Variants in EIF3A observed in about 807,000 individuals in gnomAD.
EIF3A encodes EIF3, p180 subunit.
EIF3A carries 21 observed loss-of-function variants against 186.6 expected under a neutral mutation model. The ratio of observed to expected loss-of-function variants is 0.11; its 90% CI spans 0.08 to 0.16. The LOEUF (loss-of-function observed/expected upper bound fraction) is 0.16, where lower values mean the gene tolerates loss of function less well. Among genes scored for constraint, EIF3A ranks in the 10% least tolerant of loss-of-function variants. The probability of loss-of-function intolerance (pLI) is 1.00; values close to 1 mark genes in which losing one functional copy is unlikely to be tolerated. For missense variants in EIF3A, 1,306 were observed against 1,796.3 expected, an observed-to-expected ratio of 0.73 and a Z score of 4.93; for synonymous variants, 563 against 584.3, an observed-to-expected ratio of 0.96 and a Z score of 0.52.
At chr10:119,058,348 C>T in intron 11 of EIF3A, 45 bp from the exon 12 acceptor site, 1 of 1,357,012 alleles carries the variant, frequency 7.4e-7, no homozygotes, top group Non-Finnish European at 1.0e-6. Flanking sequence ...AATTAACATT[C>T]TCTGGTATTA....
At chr10:119,067,629 T>C (rs564506912) in intron 6 of EIF3A, among the ~76,000 whole-genome samples, 1 of 152,102 alleles carries the variant, frequency 6.6e-6, no homozygotes, top group East Asian at 1.9e-4. Context: ...AGCAAAGACA[T>C]AGAGAACAAA....
Position 119,042,604 on chromosome 10 carries a change from A to G in EIF3A, c.2916T>C (p.Pro972=). ...CACGACGAGAGAACCTATCTTCCTC[A>G]GGACCACGTCTAGGGCCTCTGTCAT... The part of the protein sequence containing the change: ...MDDDRGPRRG[P]EEDRFSRRGA... Residue 972 remains proline, a synonymous_variant, in exon 19 of 22, where the codon CCT becomes CCC. Coordinates refer to ENST00000369144, the MANE Select transcript of EIF3A (RefSeq NM_003750.4). The surrounding 1 kb of genome is among the most constrained non-coding windows in gnomAD (Gnocchi z 7.8). 2 of 1,613,922 alleles carry G rather than the reference A, an allele frequency of 1.2e-6. No homozygotes were observed. Among genetic ancestry groups the G allele is most frequent in the Non-Finnish European group, 8.5e-7 (1 of 1,179,988 alleles).
chr10:119,039,941 A>C (rs1397924520), intron 19 of EIF3A, among the ~76,000 whole-genome samples: 1 of 152,212 alleles, frequency 6.6e-6, no homozygotes, highest in South Asian at 2.1e-4. Context: ...CCCTAGGAAC[A>C]TGAGTTCAGT....
Position 119,058,780 on chromosome 10 carries a change from G to C in EIF3A, c.1629+432C>G, listed in dbSNP as rs144209411. On this transcript the variant is annotated intron_variant, in intron 11 of 21. Transcript: ENST00000369144. ...TGCCTGTAGTCCCAGCTACACAGGA[G>C]GCTGAGGCACAAGAATTGCTTGAAC... is the stretch of plus-strand genomic sequence containing the variant. 5.7e-3 allele frequency among the ~76,000 whole-genome samples: 873 copies of C among 152,332 alleles called. 7 individuals carry two copies. The highest frequency in any genetic ancestry group is 0.02 in the African/African-American group (828 of 41,586).
chr10:119,074,728 G>A (rs1844132558), intron 1 of EIF3A, among the ~76,000 whole-genome samples: 1 of 151,412 alleles, frequency 6.6e-6, no homozygotes, highest in African/African-American at 2.4e-5. Flanking sequence ...GAGGTTGGGA[G>A]TTCAAGACCA....
chr10:119,049,712 G>T, intron 17 of EIF3A, 89 bp downstream of exon 17: 1 of 1,196,280 alleles, frequency 8.4e-7, no homozygotes, highest in East Asian at 2.3e-5. Context: ...TCCAGCCTGG[G>T]CAACCTGGGC....
At chr10:119,040,379 C>A (rs959621724) in intron 19 of EIF3A, among the ~76,000 whole-genome samples, 2 of 152,162 alleles carry the variant, frequency 1.3e-5, no homozygotes, top group Non-Finnish European at 2.9e-5. Flanking sequence ...TCCCAGAATC[C>A]TAGCTCAGAC....
At chr10:119,066,505 CAAAAAAAAAAAAAAAAAAAAAA>C (rs71016533) in intron 6 of EIF3A, among the ~76,000 whole-genome samples, 2 of 47,466 alleles carry the variant, frequency 4.2e-5, no homozygotes, top group East Asian at 8.7e-4. Flanking sequence ...TTAAGACTGT[CAAAAAAAAAAAAAAAAAAAAAA>C]AAAAAAAAAA....
chr10:119,045,067 C>T (rs1027318337), intron 17 of EIF3A, among the ~76,000 whole-genome samples: 15 of 151,638 alleles, frequency 9.9e-5, no homozygotes, highest in African/African-American at 3.6e-4. Context: ...GCCTTAGCCT[C>T]CCAGGTAGCT....
At chr10:119,056,100 GCTTATGGTTA>G (rs1264188959) in intron 14 of EIF3A, among the ~76,000 whole-genome samples, 1 of 152,142 alleles carries the variant, frequency 6.6e-6, no homozygotes, top group Non-Finnish European at 1.5e-5. Flanking sequence ...TTTGCCTCCT[GCTTATGGTTA>G]CTTTTTTAAA....
intron 1 of EIF3A, among the ~76,000 whole-genome samples, chr10:119,077,553 C>T (rs7920536): frequency 0.016 from 2,408 of 150,066 alleles, 67 homozygotes; most frequent in African/African-American, 0.057. Context: ...TTAGTTCCTC[C>T]GAATTTTTTT....
intron 14 of EIF3A, among the ~76,000 whole-genome samples, chr10:119,055,530 C>T (rs751105581): frequency 2.0e-5 from 3 of 152,008 alleles, no homozygotes; most frequent in Non-Finnish European, 2.9e-5. Context: ...TGCAAGGTTA[C>T]CACAAACTTT....
At chr10:119,054,361 A>G (rs560980814) in intron 14 of EIF3A, among the ~76,000 whole-genome samples, 1 of 152,284 alleles carries the variant, frequency 6.6e-6, no homozygotes, top group East Asian at 1.9e-4. Flanking sequence ...CATATCAGCA[A>G]TAAGGCTGTT....
chr10:119,042,186 C>G lies in EIF3A; in HGVS notation c.3334G>C (p.Gly1112Arg), dbSNP rs1045446907. The G allele has an allele frequency of 1.9e-6, 3 of 1,611,378 alleles. No individual in the cohort carries two copies. The highest frequency in any genetic ancestry group is 2.5e-6 in the Non-Finnish European group (3 of 1,179,410). Residue 1112 changes from glycine (G) to arginine (R), a missense_variant, in exon 19 of 22, where the codon GGG (glycine) becomes CGG (arginine). Coordinates refer to ENST00000369144, the MANE Select transcript of EIF3A (RefSeq NM_003750.4). The surrounding 1 kb of genome is among the most constrained non-coding windows in gnomAD (Gnocchi z 7.8). ...CAAGGTCCTCGATCATCATCCAACC[C>G]TCGCCTGGGACCCCGGTCATCATCC... is the stretch of plus-strand genomic sequence containing the variant. ...GMDDDRGPRR[G>R]LDDDRGPWRN... is the part of the protein sequence containing the mutation.
In EIF3A at chr10:119,070,878, C is replaced by T. The variant is rs768821663; in HGVS notation, c.741+8G>A. Reference sequence around the variant, plus strand: ...TTCTAGGAAGAAAAGCTAATAGCTCCAACATACCTGCCACAATTCCATGCT... The same window carrying T: ...TTCTAGGAAGAAAAGCTAATAGCTCTAACATACCTGCCACAATTCCATGCT... On this transcript the variant is annotated splice_region_variant and intron_variant, in intron 5 of 21. Coordinates refer to ENST00000369144, the MANE Select transcript of EIF3A (RefSeq NM_003750.4). 1.4e-5 allele frequency: 22 copies of T among 1,604,942 alleles called. No individual in the cohort carries two copies. The South Asian group carries it at 2.4e-4, about 18-fold the overall frequency.
At chr10:119,075,799 C>T (rs1407943987) in intron 1 of EIF3A, among the ~76,000 whole-genome samples, 4 of 139,704 alleles carry the variant, frequency 2.9e-5, no homozygotes, top group Admixed American at 7.5e-5. Context: ...CTGCAAGCTC[C>T]GCCTCCCGGG....
chr10:119,062,973 T>C (rs1239340189), intron 7 of EIF3A, among the ~76,000 whole-genome samples: 2 of 151,652 alleles, frequency 1.3e-5, no homozygotes, highest in Non-Finnish European at 2.9e-5. Flanking sequence ...CCAAGCTCGT[T>C]TCAAACTCCT....
intron 4 of EIF3A, among the ~76,000 whole-genome samples, chr10:119,072,388 A>C (rs2119820197): frequency 6.6e-6 from 1 of 152,306 alleles, no homozygotes; most frequent in East Asian, 1.9e-4. Context: ...AATTCACACA[A>C]AACTCCTTTA....
chr10:119,041,354 C>T (rs1848206486), intron 19 of EIF3A, among the ~76,000 whole-genome samples: 1 of 152,146 alleles, frequency 6.6e-6, no homozygotes, highest in Non-Finnish European at 1.5e-5. Flanking sequence ...AGAAGGATAA[C>T]TTGGGCCCAG....
Sources: gnomAD v4.1 joint callset for allele counts (sites outside exome capture counted in the v4.1 genomes callset) on GRCh38, gnomAD v4.1.1 for gene constraint, Gnocchi (gnomAD v3.1) non-coding constraint, MANE v1.5 for transcripts, NCBI Gene and HGNC (gene_info 2026-07-23, HGNC 2026-07-21) for gene names.